TMEM117: variants seen among roughly 807,000 people sequenced by gnomAD.
TMEM117 encodes transmembrane protein 117.
A neutral mutation model predicts 52.4 loss-of-function variants in TMEM117; 27 were observed. The observed-to-expected ratio is 0.51, with a 90% CI of 0.38 to 0.71. The LOEUF (loss-of-function observed/expected upper bound fraction) is 0.71. TMEM117 is among the 30% of genes least tolerant of loss of function. The pLI is 0.00. For synonymous variants in TMEM117, 215 were observed against 206.3 expected (o/e 1.04, Z -0.36); for missense variants, 556 against 630.5 (o/e 0.88, Z 1.26).
chr12:44,350,823 C>T (rs1951552421), intron 6 of TMEM117, among the ~76,000 whole-genome samples: 1 of 151,996 alleles, frequency 6.6e-6, no homozygotes, highest in Admixed American at 6.6e-5. Flanking sequence ...CTGCAACAAA[C>T]ATGAGAGTGC....
chr12:44,089,468 G>A (rs1370962726), intron 3 of TMEM117, among the ~76,000 whole-genome samples: 2 of 152,036 alleles, frequency 1.3e-5, no homozygotes, highest in African/African-American at 4.8e-5. Flanking sequence ...TGTCAGTCTT[G>A]TGCCATACTC....
downstream of TMEM117, among the ~76,000 whole-genome samples, chr12:44,394,535 C>T (rs982309690): frequency 6.6e-6 from 1 of 152,194 alleles, no homozygotes; most frequent in Non-Finnish European, 1.5e-5. Context: ...TAGTTTAAAG[C>T]AAGCAGCTAT....
intron 2 of TMEM117, among the ~76,000 whole-genome samples, chr12:43,923,874 C>G (rs1187472676): frequency 1.3e-5 from 2 of 148,546 alleles, no homozygotes; most frequent in Non-Finnish European, 3.0e-5. Flanking sequence ...CAGTAATAGT[C>G]AGCAGTGTTT....
chr12:44,059,295 G>A (rs1409146882), intron 3 of TMEM117, among the ~76,000 whole-genome samples: 1 of 152,094 alleles, frequency 6.6e-6, no homozygotes, highest in Non-Finnish European at 1.5e-5. Context: ...TGGCTTAGAG[G>A]TACCCGCTTT....
chr12:44,325,898 C>T (rs951141648), intron 6 of TMEM117, among the ~76,000 whole-genome samples: 7 of 152,300 alleles, frequency 4.6e-5, no homozygotes, highest in South Asian at 2.1e-4. Context: ...CAGTGGCTCA[C>T]GCCTATAATT....
intron 5 of TMEM117, among the ~76,000 whole-genome samples, chr12:44,230,576 T>C (rs1411910511): frequency 2.6e-5 from 4 of 152,048 alleles, no homozygotes; most frequent in Non-Finnish European, 5.9e-5. Flanking sequence ...GCCTACATCC[T>C]TTCTTCCTCT....
At chr12:43,880,420 A>G (rs548659678) in intron 2 of TMEM117, among the ~76,000 whole-genome samples, 4 of 152,284 alleles carry the variant, frequency 2.6e-5, no homozygotes, top group African/African-American at 7.2e-5. Context: ...GCAGAAAGAA[A>G]AATCAGCCTG....
chr12:43,816,212 G>A, the TMEM117 span, among the ~76,000 whole-genome samples: 1 of 152,136 alleles, frequency 6.6e-6, no homozygotes, highest in South Asian at 2.1e-4. Flanking sequence ...CTTGTTGGGG[G>A]TAATTGTGGG....
At chr12:44,204,806 G>T (rs1397801310) in intron 4 of TMEM117, among the ~76,000 whole-genome samples, 4 of 152,142 alleles carry the variant, frequency 2.6e-5, no homozygotes, top group Admixed American at 2.6e-4. Context: ...ATGGGGAGGG[G>T]ACTCCCTATT....
chr12:44,344,267 A>G (rs1951454543), intron 6 of TMEM117, among the ~76,000 whole-genome samples: 1 of 152,126 alleles, frequency 6.6e-6, no homozygotes, highest in Non-Finnish European at 1.5e-5. Flanking sequence ...AGGAGAAGCA[A>G]CTAGGAGTAT....
At chr12:44,161,029 G>C (rs1456079452) in intron 4 of TMEM117, among the ~76,000 whole-genome samples, 1 of 152,130 alleles carries the variant, frequency 6.6e-6, no homozygotes, top group East Asian at 1.9e-4. Context: ...TTTGAGTCAA[G>C]GTTACACAGC....
intron 6 of TMEM117, among the ~76,000 whole-genome samples, chr12:44,355,421 T>C (rs1476695525): frequency 6.6e-6 from 1 of 152,070 alleles, no homozygotes. Flanking sequence ...GCATAACATA[T>C]GATCACTCAA....
chr12:43,885,147 C>T (rs891585398), intron 2 of TMEM117, among the ~76,000 whole-genome samples: 144 of 152,322 alleles, frequency 9.5e-4, no homozygotes, highest in African/African-American at 3.3e-3. Context: ...CCAATAAACA[C>T]TTCATGGATT....
chr12:44,090,839 G>GTGT lies in TMEM117; in HGVS notation c.411-52685_411-52684insGTT, dbSNP rs1947655828. Among the ~76,000 whole-genome samples the GTGT allele has an allele frequency of 3.8e-5, 4 of 104,802 alleles. No homozygotes were observed. The South Asian group carries it at 8.6e-4, about 22-fold the overall frequency. 68.8% of individuals were successfully genotyped at this position (104,802 alleles called of 152,430 possible). A position where few individuals can be genotyped will look rare whatever the true frequency, so the allele number is the denominator to read the frequency against. ...CTAATTCTTAATCCTGTATTTATGTGTTTTTTTTTGTTTTTTTTTTTTTTT... is the reference window on the plus strand; with the variant it reads ...CTAATTCTTAATCCTGTATTTATGTGTGTTTTTTTTTTGTTTTTTTTTTTTTTT... On this transcript the variant is annotated intron_variant, in intron 3 of 7. Transcript: ENST00000266534.
At chr12:44,117,591 G>A (rs888328211) in intron 3 of TMEM117, among the ~76,000 whole-genome samples, 8 of 152,106 alleles carry the variant, frequency 5.3e-5, no homozygotes, top group African/African-American at 1.4e-4. Flanking sequence ...GCTTGATCCT[G>A]AAGTCATCAG....
intron 5 of TMEM117, among the ~76,000 whole-genome samples, chr12:44,247,074 A>G (rs1950139684): frequency 6.6e-6 from 1 of 152,220 alleles, no homozygotes; most frequent in Admixed American, 6.5e-5. Context: ...CACTCTTAAG[A>G]GTATGTCAGG....
At chr12:44,131,730 A>G (rs1294279304) in intron 3 of TMEM117, among the ~76,000 whole-genome samples, 1 of 152,104 alleles carries the variant, frequency 6.6e-6, no homozygotes, top group African/African-American at 2.4e-5. Flanking sequence ...TAATAATACT[A>G]TTCACCTTTA....
At chr12:44,242,711 T>A (rs1950078467) in intron 5 of TMEM117, among the ~76,000 whole-genome samples, 1 of 141,224 alleles carries the variant, frequency 7.1e-6, no homozygotes, top group African/African-American at 2.6e-5. Flanking sequence ...TAGATATCTA[T>A]ACATATAGAT....
intron 5 of TMEM117, among the ~76,000 whole-genome samples, chr12:44,293,868 T>C (rs996366879): frequency 1.1e-4 from 16 of 152,190 alleles, no homozygotes; most frequent in African/African-American, 3.9e-4. Context: ...TGAACTTGAC[T>C]ATATTTTTAA....
Sources: gnomAD v4.1 joint callset for allele counts (sites outside exome capture counted in the v4.1 genomes callset) on GRCh38, gnomAD v4.1.1 for gene constraint, MANE v1.5 for transcripts, NCBI Gene and HGNC (gene_info 2026-07-23, HGNC 2026-07-21) for gene names.